SGMS1: variants seen among roughly 807,000 people sequenced by gnomAD.
The protein encoded by SGMS1 is sphingomyelin synthase 1.
SGMS1 carries 13 observed loss-of-function variants against 46.2 expected under a neutral mutation model. The observed-to-expected ratio is 0.28, with a 90% CI of 0.18 to 0.45. SGMS1 has a LOEUF of 0.45. Ranked by LOEUF, SGMS1 falls within the 20% of genes least tolerant of loss-of-function variation. SGMS1 has a pLI of 1.00. For missense variants in SGMS1, 324 were observed against 519.9 expected, an observed-to-expected ratio of 0.62 and a Z score of 3.66; for synonymous variants, 203 against 187.8, an observed-to-expected ratio of 1.08 and a Z score of -0.66.
chr10:50,315,644 TGGAGTGTGCTTAC>T (rs1412049980), intron 8 of SGMS1, among the ~76,000 whole-genome samples: 1 of 152,242 alleles, frequency 6.6e-6, no homozygotes, highest in African/African-American at 2.4e-5. Context: ...GAAAGAAAGA[TGGAGTGTGCTTAC>T]TCCATTATAA....
intron 1 of SGMS1, among the ~76,000 whole-genome samples, chr10:50,602,297 C>T (rs1383239256): frequency 6.6e-6 from 1 of 152,232 alleles, no homozygotes; most frequent in Non-Finnish European, 1.5e-5. Flanking sequence ...TGTGGCTCTG[C>T]AAATGCAGGG....
In SGMS1 at chr10:50,408,443, A is replaced by AT. The variant is rs1476452004; in HGVS notation, c.-232+25032_-232+25033insA. Among the ~76,000 whole-genome samples, 99 of 148,686 alleles carry AT rather than the reference A, an allele frequency of 6.7e-4. 2 individuals are homozygous for AT. The South Asian group carries it at 0.02, about 29-fold the overall frequency. On this transcript the variant is annotated intron_variant, in intron 6 of 10. Transcript: ENST00000361781. ...AGACCTCATCTCTTAAAAAAAAAAA[A>AT]AAAAAAAAAAAACAAAATAAAAACT... is the stretch of plus-strand genomic sequence containing the variant.
chr10:50,372,402 CAGCTAAT>C (rs1016685849), intron 6 of SGMS1, among the ~76,000 whole-genome samples: 5 of 152,084 alleles, frequency 3.3e-5, no homozygotes, highest in Admixed American at 2.6e-4. Flanking sequence ...TTAAAAAACA[CAGCTAAT>C]AGGCCGGGCA....
intron 5 of SGMS1, among the ~76,000 whole-genome samples, chr10:50,457,621 T>A (rs1588837661): frequency 6.6e-6 from 1 of 152,308 alleles, no homozygotes; most frequent in East Asian, 1.9e-4. Context: ...CCCATCTTTA[T>A]GTAGTCAATG....
At chr10:50,494,658 G>A (rs1837595161) in intron 3 of SGMS1, among the ~76,000 whole-genome samples, 1 of 152,066 alleles carries the variant, frequency 6.6e-6, no homozygotes, top group Non-Finnish European at 1.5e-5. Flanking sequence ...GAAAAGATTA[G>A]GAAAAATAAC....
intron 1 of SGMS1, among the ~76,000 whole-genome samples, chr10:50,596,939 A>G (rs1323169553): frequency 1.3e-5 from 2 of 152,232 alleles, no homozygotes; most frequent in African/African-American, 4.8e-5. Flanking sequence ...CTCGTTGCAC[A>G]TGGTAGGCAC....
chr10:50,522,603 T>C (rs1254742815), intron 2 of SGMS1, among the ~76,000 whole-genome samples: 1 of 152,134 alleles, frequency 6.6e-6, no homozygotes, highest in Non-Finnish European at 1.5e-5. Context: ...TACTGGTGGG[T>C]CCTCTTGATC....
Position 50,343,475 on chromosome 10 carries a change from G to A in SGMS1, c.623+17C>T. ...AATCCCATAATCATTGAATCTTAGA[G>A]CTTTTACTTGACTTACTTGTATTTT... On this transcript the variant is annotated intron_variant, in intron 7 of 10. Transcript: ENST00000361781. 1 of 1,570,306 alleles carries A rather than the reference G, an allele frequency of 6.4e-7. No homozygotes were observed. Among genetic ancestry groups the A allele is most frequent in the Non-Finnish European group, 8.6e-7 (1 of 1,161,878 alleles).
At chr10:50,342,052 C>CA (rs1414686979) in intron 7 of SGMS1, 1 of 152,060 alleles carries the variant, frequency 6.6e-6, no homozygotes, top group African/African-American at 2.4e-5. Flanking sequence ...AGCAAACTTA[C>CA]AAAAACAAAA....
rs191872123 is a variant in SGMS1, at chr10:50,511,841, C to T, written c.-498+7990G>A. ...ATAAAATTCTTCAAGGTAAACTGCC[C>T]CTCTTCCCTTCTAACCTGTACATAA... On this transcript the variant is annotated intron_variant, in intron 3 of 10. Transcript: ENST00000361781. 2.0e-5 allele frequency among the ~76,000 whole-genome samples: 3 copies of T among 152,176 alleles called. No homozygotes were observed. The East Asian group carries it at 5.8e-4, about 29-fold the overall frequency.
At chr10:50,394,701 A>G (rs1255483399) in intron 6 of SGMS1, among the ~76,000 whole-genome samples, 1 of 152,230 alleles carries the variant, frequency 6.6e-6, no homozygotes, top group African/African-American at 2.4e-5. Context: ...AATTCATCTA[A>G]CTTAATTTCA....
At chr10:50,511,248 TACACACAC>T (rs3054272) in intron 3 of SGMS1, among the ~76,000 whole-genome samples, 45 of 141,788 alleles carry the variant, frequency 3.2e-4, no homozygotes, top group African/African-American at 8.5e-4. Context: ...CACTCATTCA[TACACACAC>T]ACACACACAC....
chr10:50,351,253 C>A (rs1001353188), intron 6 of SGMS1, among the ~76,000 whole-genome samples: 2 of 152,168 alleles, frequency 1.3e-5, no homozygotes, highest in African/African-American at 4.8e-5. Flanking sequence ...TTACCCAATA[C>A]CTGTACCCCT....
At chr10:50,560,036 A>T (rs190511438) in intron 2 of SGMS1, among the ~76,000 whole-genome samples, 10 of 146,840 alleles carry the variant, frequency 6.8e-5, no homozygotes, top group African/African-American at 2.0e-4. Context: ...GTGTATACAC[A>T]CAGATTTATA....
chr10:50,404,902 C>T (rs1472920413), intron 6 of SGMS1, among the ~76,000 whole-genome samples: 1 of 152,072 alleles, frequency 6.6e-6, no homozygotes, highest in East Asian at 1.9e-4. Context: ...TAAAGAAGAT[C>T]TGTATGTGTT....
At chr10:50,581,029 C>T (rs1317863653) in intron 2 of SGMS1, among the ~76,000 whole-genome samples, 2 of 152,180 alleles carry the variant, frequency 1.3e-5, no homozygotes, top group Non-Finnish European at 2.9e-5. Context: ...TGGGTGAGGC[C>T]TGAGAATTTC....
intron 1 of SGMS1, among the ~76,000 whole-genome samples, chr10:50,598,949 GAAT>G (rs1182629197): frequency 6.6e-6 from 1 of 152,104 alleles, no homozygotes; most frequent in Non-Finnish European, 1.5e-5. Context: ...TATCACCAGA[GAAT>G]AAAATAAAGT....
chr10:50,404,789 A>G (rs1848990210), intron 6 of SGMS1, among the ~76,000 whole-genome samples: 1 of 152,216 alleles, frequency 6.6e-6, no homozygotes, highest in African/African-American at 2.4e-5. Context: ...AGCTAAACAC[A>G]ATCCCCCCAA....
chr10:50,341,104 C>G, intron 7 of SGMS1: 1 of 327,822 alleles, frequency 3.1e-6, no homozygotes, highest in East Asian at 7.5e-5. Context: ...TAAGAATATC[C>G]CATAACCAGA....
Sources: gnomAD v4.1 joint callset for allele counts (sites outside exome capture counted in the v4.1 genomes callset) on GRCh38, gnomAD v4.1.1 for gene constraint, MANE v1.5 for transcripts, NCBI Gene and HGNC (gene_info 2026-07-23, HGNC 2026-07-21) for gene names.